VWF: variants seen among roughly 807,000 people sequenced by gnomAD.
The protein encoded by VWF is Factor VIII related antigen.
VWF carries 176 observed loss-of-function variants against 308.6 expected under a neutral mutation model. That is an observed-to-expected ratio of 0.57 (90% CI 0.50 to 0.65). The LOEUF (loss-of-function observed/expected upper bound fraction) is 0.65. VWF is among the 30% of genes least tolerant of loss of function. VWF has a pLI of 0.00. For synonymous variants in VWF, 1,385 were observed against 1,443.4 expected, an observed-to-expected ratio of 0.96 and a Z score of 0.92; for missense variants, 3,146 against 3,648.2, an observed-to-expected ratio of 0.86 and a Z score of 3.55.
chr12:6,008,226 ACT>A (rs1193712131), intron 34 of VWF, among the ~76,000 whole-genome samples: 2 of 151,942 alleles, frequency 1.3e-5, no homozygotes. Context: ...ATTAAAAAAA[ACT>A]ACAAGTCAAT....
intron 46 of VWF, among the ~76,000 whole-genome samples, 190 bp downstream of exon 46, chr12:5,967,937 G>A (rs576968657): frequency 3.0e-4 from 45 of 152,304 alleles, no homozygotes; most frequent in African/African-American, 1.0e-3. Context: ...AGACAGGCCC[G>A]GAGAGTCAGG....
At chr12:5,952,366 A>T in intron 49 of VWF, 25 bp downstream of exon 49, 1 of 1,613,486 alleles carries the variant, frequency 6.2e-7, no homozygotes, top group South Asian at 1.1e-5. Context: ...GAGACAGTAA[A>T]GAGGAAAGCA....
chr12:5,985,482 A>C, intron 39 of VWF, 81 bp downstream of exon 39: 7 of 1,435,744 alleles, frequency 4.9e-6, no homozygotes, highest in Non-Finnish European at 5.8e-6. Context: ...CTGCTCTGCC[A>C]GAGGTGAAGA....
chr12:6,035,404 C>T (rs1003794575), intron 19 of VWF, among the ~76,000 whole-genome samples: 1 of 152,166 alleles, frequency 6.6e-6, no homozygotes, highest in Non-Finnish European at 1.5e-5. Context: ...TCCCTGCCAC[C>T]ACCCGTAACC....
rs1434923750 is a variant in VWF at position 6,065,237 on chromosome 12, C to G, written c.1193G>C (p.Ser398Thr). Residue 398 changes from serine to threonine, a missense_variant, in exon 11 of 52, where the codon AGC (serine) becomes ACC (threonine). Ser to Thr is a moderately conservative substitution (Grantham distance 58). Around this residue, in one of 3 missense-constraint regions of VWF, gnomAD observed 1,304 missense variants for 1,353.0 expected, o/e 0.96. Transcript: ENST00000261405. ...GAAGGTGAAGTATCTGTTGTCAAAG[C>G]TCTTGAAGTGTGATTGACCTGTGAC... ...CLVTGQSHFKSFDNRYFTFSG... is the reference protein window; with the variant it reads ...CLVTGQSHFKTFDNRYFTFSG... The G allele has an allele frequency of 6.2e-7, 1 of 1,614,176 alleles. No homozygotes were observed. The highest frequency in any genetic ancestry group is 1.3e-5 in the African/African-American group (1 of 75,046).
intron 6 of VWF, among the ~76,000 whole-genome samples, chr12:6,079,904 C>A (rs941517352): frequency 6.6e-6 from 1 of 152,110 alleles, no homozygotes. Flanking sequence ...CTCCCTGCTC[C>A]CCACCTCACA....
At chr12:6,094,617 G>A (rs1945084547) in intron 6 of VWF, among the ~76,000 whole-genome samples, 1 of 152,158 alleles carries the variant, frequency 6.6e-6, no homozygotes, top group Non-Finnish European at 1.5e-5. Flanking sequence ...AAAAGGTGGC[G>A]CCTTTTAGGA....
intron 38 of VWF, among the ~76,000 whole-genome samples, chr12:5,990,904 AAAAATT>A (rs1943734120): frequency 1.9e-4 from 8 of 41,230 alleles, no homozygotes; most frequent in African/African-American, 5.7e-4. Context: ...AAAAAAAAAA[AAAAATT>A]TTGATGACTC....
intron 37 of VWF, among the ~76,000 whole-genome samples, chr12:5,992,846 A>T (rs1943761143): frequency 6.6e-6 from 1 of 152,228 alleles, no homozygotes; most frequent in Admixed American, 6.5e-5. Context: ...GAGGTACACA[A>T]AGAAATCAGT....
intron 45 of VWF, 93 bp from the exon 46 acceptor site, chr12:5,968,260 G>T: frequency 6.7e-7 from 1 of 1,497,646 alleles, no homozygotes; most frequent in Non-Finnish European, 9.2e-7. Flanking sequence ...CCTCCTCCGT[G>T]TCTGGGCCTC....
At chr12:6,084,485 T>C (rs1944947678) in intron 6 of VWF, among the ~76,000 whole-genome samples, 1 of 152,048 alleles carries the variant, frequency 6.6e-6, no homozygotes, top group African/African-American at 2.4e-5. Flanking sequence ...TTCCAGTTCA[T>C]TAAAGAAGAC....
chr12:5,979,897 C>T (rs1225728393), intron 42 of VWF, among the ~76,000 whole-genome samples: 2 of 147,986 alleles, frequency 1.4e-5, no homozygotes, highest in Non-Finnish European at 3.0e-5. Context: ...AAAAATTAGC[C>T]GGGCGTGGTG....
chr12:6,059,691 C>T (rs1244065975), intron 13 of VWF, among the ~76,000 whole-genome samples: 3 of 152,120 alleles, frequency 2.0e-5, no homozygotes, highest in Non-Finnish European at 2.9e-5. Flanking sequence ...GGCCCCACCT[C>T]GTAACACCAT....
Position 6,025,913 on chromosome 12 carries a change from G to T in VWF, c.3101C>A (p.Thr1034Asn). 2 of 1,611,068 alleles carry T rather than the reference G, an allele frequency of 1.2e-6. No individual in the cohort carries two copies. The highest frequency in any genetic ancestry group is 1.7e-6 in the Non-Finnish European group (2 of 1,179,588). Residue 1034 changes from threonine to asparagine, a missense_variant, in exon 23 of 52, where the codon ACC (threonine) becomes AAC (asparagine). Physicochemically the swap from Thr to Asn is moderately conservative, Grantham distance 65. Around this residue, in one of 3 missense-constraint regions of VWF, gnomAD observed 853 missense variants for 1,177.8 expected, o/e 0.72. Transcript: ENST00000261405. ...ACAGAGACCCAGACGTACTTTTCTG[G>T]TGTCAGCACACTGCGAGCTCACTTT... ...SWKVSSQCAD[T>N]RKVPLDSSPA... is the part of the protein sequence containing the mutation.
chr12:6,108,798 A>G (rs1428515181), intron 5 of VWF, among the ~76,000 whole-genome samples: 3 of 151,914 alleles, frequency 2.0e-5, no homozygotes, highest in Admixed American at 6.6e-5. Flanking sequence ...TGGCTAACAC[A>G]GTGAAACCCT....
At chr12:6,026,127 G>T (rs1944189329) in intron 22 of VWF, 81 bp from the exon 23 acceptor site, 1 of 1,602,606 alleles carries the variant, frequency 6.2e-7, no homozygotes, top group Non-Finnish European at 8.5e-7. Context: ...AACATTCCTG[G>T]CGGCAATGGA....
chr12:6,104,621 C>T (rs983001331), intron 5 of VWF, among the ~76,000 whole-genome samples: 4 of 151,962 alleles, frequency 2.6e-5, no homozygotes, highest in African/African-American at 7.2e-5. Context: ...TGCTTGAACC[C>T]GGGAACTGGA....
chr12:6,067,743 T>C (rs1020838185), intron 10 of VWF, among the ~76,000 whole-genome samples: 13 of 151,988 alleles, frequency 8.6e-5, no homozygotes, highest in African/African-American at 3.1e-4. Flanking sequence ...AGGCAGCTCC[T>C]GACGAACAGC....
chr12:5,955,950 A>G (rs1943244890), intron 47 of VWF, among the ~76,000 whole-genome samples: 1 of 152,250 alleles, frequency 6.6e-6, no homozygotes, highest in Admixed American at 6.5e-5. Flanking sequence ...AAAGATGTAA[A>G]AAATATAAAT....
Sources: allele counts gnomAD v4.1 joint callset (sites outside exome capture counted in the v4.1 genomes callset), GRCh38; gene constraint gnomAD v4.1.1; regional missense constraint gnomAD v4.1.1; transcripts MANE v1.5; gene names NCBI Gene and HGNC (gene_info 2026-07-23, HGNC 2026-07-21).